NLGN1: variants seen among roughly 807,000 people sequenced by gnomAD.
The protein encoded by NLGN1 is neuroligin-1.
In NLGN1, 12 loss-of-function variants were observed where a neutral mutation model predicts 65.5. The ratio of observed to expected loss-of-function variants is 0.18; its 90% confidence interval spans 0.12 to 0.30. The LOEUF (loss-of-function observed/expected upper bound fraction) is 0.30. Among genes scored for constraint, NLGN1 ranks in the 10% least tolerant of loss-of-function variants. The pLI, the probability that NLGN1 is intolerant of heterozygous loss-of-function variation, is 1.00. For missense variants in NLGN1, 750 were observed against 1,007.1 expected (o/e 0.74, Z 3.46); for synonymous variants, 350 against 359.5 (o/e 0.97, Z 0.30).
chr3:173,946,605 G>T (rs1181094619), intron 4 of NLGN1, among the ~76,000 whole-genome samples: 1 of 152,104 alleles, frequency 6.6e-6, no homozygotes, highest in Non-Finnish European at 1.5e-5. Context: ...ACCTAGCCAT[G>T]ATATTATTGG....
At chr3:174,282,085 T>G (rs533881987) in exon 7 of NLGN1, 2 of 152,412 alleles carry the variant, frequency 1.3e-5, no homozygotes, top group South Asian at 4.1e-4. Context: ...CACAGTAGTT[T>G]CAATATAGAA....
intron 4 of NLGN1, among the ~76,000 whole-genome samples, chr3:174,043,070 G>A (rs757518895): frequency 6.6e-6 from 1 of 152,134 alleles, no homozygotes; most frequent in Admixed American, 6.6e-5. Flanking sequence ...AGAAATGCCA[G>A]ATGTTTATAA....
chr3:173,821,057 G>A (rs1159675238), intron 4 of NLGN1, among the ~76,000 whole-genome samples: 2 of 152,116 alleles, frequency 1.3e-5, no homozygotes, highest in African/African-American at 4.8e-5. Flanking sequence ...TTTTATAACA[G>A]TGTAGTCAGG....
rs114587386 is a variant in NLGN1 at position 173,645,647 on chromosome 3, C to T, written c.493+40556C>T. On this transcript the variant is annotated intron_variant, in intron 3 of 6. Coordinates refer to ENST00000457714, the Ensembl canonical transcript of NLGN1. ...TTCCATGGGGAAAAATCAGAGTTCT[C>T]AGTCACTTAGGCTCTAACTGGTTTA... is the stretch of plus-strand genomic sequence containing the variant. Among the ~76,000 whole-genome samples the T allele has an allele frequency of 1.7e-3, 253 of 152,332 alleles. 1 individual carries two copies. Among genetic ancestry groups the T allele is most frequent in the Middle Eastern group, 3.4e-3 (1 of 292 alleles).
In NLGN1 at chr3:174,099,910, G is replaced by A. The variant is rs1470861505; in HGVS notation, c.647-175405G>A. 3.3e-5 allele frequency among the ~76,000 whole-genome samples: 5 copies of A among 152,140 alleles called. No individual in the cohort carries two copies. In the East Asian group the frequency reaches 7.7e-4, roughly 23 times the overall value. On this transcript the variant is annotated intron_variant, in intron 4 of 6. Coordinates refer to ENST00000457714, the Ensembl canonical transcript of NLGN1. ...CGTGTGGACAGGATGCAGTTCTGAT[G>A]TGTTTTGCTGAGTCAGGGATTTCTT...
At chr3:174,252,650 C>T (rs1175630493) in intron 4 of NLGN1, among the ~76,000 whole-genome samples, 2 of 152,096 alleles carry the variant, frequency 1.3e-5, no homozygotes, top group Admixed American at 1.3e-4. Flanking sequence ...GAAGGCTCTT[C>T]CAGCCCTAAT....
chr3:173,496,752 G>A (rs751289286), intron 2 of NLGN1, among the ~76,000 whole-genome samples: 3 of 151,806 alleles, frequency 2.0e-5, no homozygotes, highest in Non-Finnish European at 4.4e-5. Context: ...TATTACTCAC[G>A]TGTTTAAACA....
chr3:173,416,120 C>A (rs1262098676), intron 1 of NLGN1, among the ~76,000 whole-genome samples: 1 of 152,074 alleles, frequency 6.6e-6, no homozygotes, highest in Admixed American at 6.5e-5. Context: ...ATAACACTTA[C>A]ATCACTTACA....
chr3:174,283,877 TATTA>T (rs955054687), exon 7 of NLGN1: 15 of 151,478 alleles, frequency 9.9e-5, no homozygotes, highest in African/African-American at 3.4e-4. Flanking sequence ...TATTTTACTG[TATTA>T]ATTAAACAAA....
In NLGN1 at chr3:173,835,636, T is replaced by C. The variant is rs545010253; in HGVS notation, c.646+27804T>C. Among the ~76,000 whole-genome samples the C allele has an allele frequency of 6.6e-5, 10 of 151,646 alleles. No individual in the cohort carries two copies. In the East Asian group the frequency reaches 1.9e-3, roughly 29 times the overall value. ...TTTTTCTCTCATCTATGCCCTTGTT[T>C]ATCTCCAAGAAGATTTAAAATAACA... On this transcript the variant is annotated intron_variant, in intron 4 of 6. Transcript: ENST00000457714.
intron 4 of NLGN1, among the ~76,000 whole-genome samples, chr3:174,004,084 T>C (rs1723871373): frequency 6.6e-6 from 1 of 152,176 alleles, no homozygotes; most frequent in Admixed American, 6.5e-5. Flanking sequence ...ACTTAAAATA[T>C]GGTTCTCTGA....
intron 3 of NLGN1, among the ~76,000 whole-genome samples, chr3:173,751,198 A>C (rs573031737): frequency 2.6e-5 from 4 of 152,078 alleles, no homozygotes; most frequent in Non-Finnish European, 4.4e-5. Flanking sequence ...AGTTAAGATA[A>C]TGTTTGTGCA....
At chr3:174,170,010 AT>A (rs1728222401) in intron 4 of NLGN1, among the ~76,000 whole-genome samples, 1 of 152,096 alleles carries the variant, frequency 6.6e-6, no homozygotes, top group Non-Finnish European at 1.5e-5. Flanking sequence ...TCTCTCTCAC[AT>A]ACTGGGGCTT....
intron 2 of NLGN1, among the ~76,000 whole-genome samples, chr3:173,541,484 G>A (rs969850989): frequency 6.6e-6 from 1 of 152,132 alleles, no homozygotes; most frequent in Admixed American, 6.6e-5. Flanking sequence ...TGGGGATTCA[G>A]TGCATATTGT....
chr3:174,094,357 A>G (rs1039983088), intron 4 of NLGN1, among the ~76,000 whole-genome samples: 2 of 152,198 alleles, frequency 1.3e-5, no homozygotes, highest in African/African-American at 4.8e-5. Flanking sequence ...GTAGCTATAG[A>G]GCGAGCTTGT....
At chr3:173,434,614 G>A (rs1717766708) in intron 1 of NLGN1, among the ~76,000 whole-genome samples, 1 of 152,208 alleles carries the variant, frequency 6.6e-6, no homozygotes, top group African/African-American at 2.4e-5. Context: ...ATAAGCTGTT[G>A]ATGTTCACCA....
chr3:173,818,488 TA>T (rs905693779), intron 4 of NLGN1, among the ~76,000 whole-genome samples: 3 of 152,126 alleles, frequency 2.0e-5, no homozygotes, highest in Non-Finnish European at 4.4e-5. Context: ...ACAAATCGTT[TA>T]AAAAAGCAAC....
chr3:174,104,157 C>T (rs78430961), intron 4 of NLGN1, among the ~76,000 whole-genome samples: 11,380 of 152,030 alleles, frequency 0.075, 490 homozygotes, highest in African/African-American at 0.096. Flanking sequence ...CTTGTTTTGT[C>T]CTTATTTCTT....
rs1338206513 is a variant in NLGN1 at position 174,279,688 on chromosome 3, A to ATGT, written c.1649+40_1649+42dup. 1 of 1,263,664 alleles carries ATGT rather than the reference A, an allele frequency of 7.9e-7. No individual in the cohort carries two copies. Among genetic ancestry groups the ATGT allele is most frequent in the East Asian group, 2.4e-5 (1 of 41,292 alleles). The allele number at this position is 1,263,664 out of a possible 1,614,324, so 78.3% of individuals were successfully genotyped here. A position where few individuals can be genotyped will look rare whatever the true frequency, so the allele number is the denominator to read the frequency against. ...GGAATGAAGTTTATTTTTAATAAAAATGTTATTTTAACCATTTTAAAATAA... is the reference window on the plus strand; with the variant it reads ...GGAATGAAGTTTATTTTTAATAAAAATGTTGTTATTTTAACCATTTTAAAATAA... On this transcript the variant is annotated intron_variant, in intron 6 of 6. Transcript: ENST00000457714. This position sits in a 1 kb window ranked among gnomAD's most constrained non-coding sequence, Gnocchi z 4.7.
Sources: gnomAD v4.1 joint callset for allele counts (sites outside exome capture counted in the v4.1 genomes callset) on GRCh38, gnomAD v4.1.1 for gene constraint, Gnocchi (gnomAD v3.1) non-coding constraint, MANE v1.5 for transcripts, NCBI Gene and HGNC (gene_info 2026-07-23, HGNC 2026-07-21) for gene names.